The following RRAGB variants were observed in gnomAD, a reference collection of about 807,000 sequenced individuals.
RRAGB encodes Ras related GTP binding B, also known as ras-related GTP-binding protein B.
In RRAGB, 6 loss-of-function variants were observed where a neutral mutation model predicts 29.3. The observed-to-expected ratio is 0.21, with a 90% CI of 0.11 to 0.40. The LOEUF is 0.40. Among genes scored for constraint, RRAGB ranks in the 10% least tolerant of loss-of-function variants. The probability of loss-of-function intolerance (pLI) is 1.00; values close to 1 mark genes in which losing one functional copy is unlikely to be tolerated. For synonymous variants in RRAGB, 101 were observed against 92.5 expected (o/e 1.09, Z -0.53); for missense variants, 184 against 272.9 (o/e 0.67, Z 2.29).
intron 5 of RRAGB, among the ~76,000 whole-genome samples, chrX:55,738,184 C>T (rs1300120531): frequency 2.7e-5 from 3 of 112,602 alleles, no homozygotes; most frequent in East Asian, 2.8e-4. Flanking sequence ...TAAGCTCCAG[C>T]ACTCTCCGCT....
At chrX:55,734,896 ATAGAC>A (rs1259398983) in intron 5 of RRAGB, among the ~76,000 whole-genome samples, 1 of 112,543 alleles carries the variant, frequency 8.9e-6, no homozygotes, top group Non-Finnish European at 1.9e-5. Context: ...TCATTGAAGA[ATAGAC>A]TATTTAATTT....
rs1569245694 is a variant in RRAGB at position 55,740,385 on chromosome X, ACACATCTTTTGG to A, written c.516+8800_516+8811del. On this transcript the variant is annotated intron_variant, in intron 5 of 9. Transcript: ENST00000374941. ...TTTAAATCATTATGACTAGGCTCAA[ACACATCTTTTGG>A]AATGAAAATAGGAACCATTACAGTC... 1.1e-3 allele frequency among the ~76,000 whole-genome samples: 122 copies of A among 112,013 alleles called. 2 individuals carry two copies. The highest frequency in any genetic ancestry group is 3.9e-3 in the African/African-American group (120 of 30,794).
At position 55,717,914 on chromosome X, in the gene RRAGB, C is replaced by A. The variant is rs1036918025; in HGVS notation, c.-414C>A. 2 of 118,888 alleles carry A rather than the reference C, an allele frequency of 1.7e-5. No homozygotes were observed. The highest frequency in any genetic ancestry group is 6.3e-5 in the African/African-American group (2 of 31,662). The allele number at this position is 118,888 out of a possible 1,213,427, so 9.8% of individuals were successfully genotyped here. A position where few individuals can be genotyped will look rare whatever the true frequency, so the allele number is the denominator to read the frequency against. On this transcript the variant is annotated 5_prime_UTR_variant, in exon 1 of 10. Transcript: ENST00000374941. Reference sequence around the variant, plus strand: ...TGAGGCGTTCTCCGCTTAGTGCCTACGGCATGGGTCAGCTCTTTCTGCCAC... The same window carrying A: ...TGAGGCGTTCTCCGCTTAGTGCCTAAGGCATGGGTCAGCTCTTTCTGCCAC...
intron 5 of RRAGB, among the ~76,000 whole-genome samples, chrX:55,747,547 G>A (rs1467133454): frequency 1.8e-5 from 2 of 111,707 alleles, no homozygotes; most frequent in Non-Finnish European, 3.8e-5. Context: ...GCACAATTAG[G>A]ATCAGCCAGC....
At chrX:55,740,388 C>A (rs1265099925) in intron 5 of RRAGB, among the ~76,000 whole-genome samples, 7 of 111,062 alleles carry the variant, frequency 6.3e-5, no homozygotes, top group African/African-American at 2.3e-4. Flanking sequence ...GGCTCAAACA[C>A]ATCTTTTGGA....
At chrX:55,745,511 T>C (rs2034214981) in intron 5 of RRAGB, among the ~76,000 whole-genome samples, 1 of 112,523 alleles carries the variant, frequency 8.9e-6, no homozygotes, top group Non-Finnish European at 1.9e-5. Context: ...AGTCACCATC[T>C]AGTTAAGTTT....
At chrX:55,734,951 G>A (rs1341640936) in intron 5 of RRAGB, among the ~76,000 whole-genome samples, 1 of 112,282 alleles carries the variant, frequency 8.9e-6, no homozygotes, top group Non-Finnish European at 1.9e-5. Context: ...TCTTGGAATT[G>A]ATTTCTGGTT....
At position 55,747,031 on chromosome X, in the gene RRAGB, T is replaced by C. The variant is rs1460355044; in HGVS notation, c.517-4070T>C. On this transcript the variant is annotated intron_variant, in intron 5 of 9. Transcript: ENST00000374941. ...TTCCTCATGGGTCATACTTCACACGTCACCTTTAGGAGTCTGCTGAGACTT... is the reference window on the plus strand; with the variant it reads ...TTCCTCATGGGTCATACTTCACACGCCACCTTTAGGAGTCTGCTGAGACTT... 8.0e-5 allele frequency among the ~76,000 whole-genome samples: 9 copies of C among 112,370 alleles called. No homozygotes were observed. In the South Asian group the frequency reaches 2.6e-3, roughly 32 times the overall value.
intron 5 of RRAGB, among the ~76,000 whole-genome samples, chrX:55,749,515 C>T (rs2034443272): frequency 2.7e-5 from 3 of 110,812 alleles, no homozygotes; most frequent in African/African-American, 9.8e-5. Flanking sequence ...TGCCCGGCCA[C>T]CACCCCATCT....
chrX:55,732,945 T>TG (rs1269250302), intron 5 of RRAGB, among the ~76,000 whole-genome samples: 2 of 111,613 alleles, frequency 1.8e-5, no homozygotes, highest in Non-Finnish European at 3.8e-5. Context: ...TGTAATTTTG[T>TG]GGGGTTTTTT....
chrX:55,745,699 G>A (rs950187781), intron 5 of RRAGB, among the ~76,000 whole-genome samples: 19 of 112,170 alleles, frequency 1.7e-4, no homozygotes, highest in African/African-American at 5.8e-4. Context: ...CCTAGGTAGA[G>A]GTCATTCTAA....
At chrX:55,740,506 A>G (rs1031632310) in intron 5 of RRAGB, among the ~76,000 whole-genome samples, 1 of 112,001 alleles carries the variant, frequency 8.9e-6, no homozygotes, top group African/African-American at 3.2e-5. Context: ...AACTCTTGGA[A>G]AGAATTTTCT....
chrX:55,732,949 GT>G (rs1372248362), intron 5 of RRAGB, among the ~76,000 whole-genome samples: 2 of 109,224 alleles, frequency 1.8e-5, no homozygotes, highest in Non-Finnish European at 3.8e-5. Context: ...ATTTTGTGGG[GT>G]TTTTTTTTAG....
At chrX:55,737,312 GACTTT>G (rs1428178768) in intron 5 of RRAGB, among the ~76,000 whole-genome samples, 3 of 112,590 alleles carry the variant, frequency 2.7e-5, no homozygotes, top group Non-Finnish European at 3.8e-5. Context: ...GAGGGGTTGT[GACTTT>G]ACTTCTTGTG....
intron 5 of RRAGB, among the ~76,000 whole-genome samples, chrX:55,738,794 G>A (rs183551998): frequency 5.4e-5 from 6 of 111,784 alleles, no homozygotes; most frequent in Non-Finnish European, 1.1e-4. Context: ...TGTCTCAGGC[G>A]ATGGGCAAGG....
chrX:55,728,188 TA>T (rs1313151199), intron 3 of RRAGB, among the ~76,000 whole-genome samples: 4 of 111,691 alleles, frequency 3.6e-5, no homozygotes, highest in Non-Finnish European at 3.8e-5. Flanking sequence ...TATCAGCATG[TA>T]AAAGTTTTCA....
chrX:55,735,566 T>C (rs1188564195), intron 5 of RRAGB, among the ~76,000 whole-genome samples: 1 of 112,243 alleles, frequency 8.9e-6, no homozygotes, highest in Non-Finnish European at 1.9e-5. Flanking sequence ...TTTTCCATTC[T>C]GTCCATCTAT....
In RRAGB at chrX:55,752,478, T is replaced by C. The variant is rs1280294509; in HGVS notation, c.613-914T>C. The C allele has an allele frequency of 2.2e-5, 7 of 314,307 alleles. No homozygotes were observed. The East Asian group carries it at 1.1e-3, about 48-fold the overall frequency. 25.9% of individuals were successfully genotyped at this position (314,307 alleles called of 1,213,427 possible). ...CTCATGCCTAAGTAATAAAACTAAT[T>C]GGAACAGAGACATGGCACTTCTGTC... On this transcript the variant is annotated intron_variant, in intron 6 of 9. Coordinates refer to ENST00000374941, the MANE Select transcript of RRAGB (RefSeq NM_006064.5).
At chrX:55,727,953 G>A (rs1253952558) in intron 3 of RRAGB, among the ~76,000 whole-genome samples, 1 of 110,970 alleles carries the variant, frequency 9.0e-6, no homozygotes, top group Non-Finnish European at 1.9e-5. Context: ...GGGGTAGCTA[G>A]GCAGGGCTTT....
Sources: allele counts gnomAD v4.1 joint callset (sites outside exome capture counted in the v4.1 genomes callset), GRCh38; gene constraint gnomAD v4.1.1; transcripts MANE v1.5; gene names NCBI Gene and HGNC (gene_info 2026-07-23, HGNC 2026-07-21).